Variants in IFT80 observed in about 807,000 individuals in gnomAD.
The protein encoded by IFT80 is intraflagellar transport 80.
Under a neutral mutation model 107.9 loss-of-function variants are expected in IFT80, and 79 were observed. The observed-to-expected ratio is 0.73, with a 90% CI of 0.61 to 0.88. IFT80 has a LOEUF of 0.88. Ranked by LOEUF, IFT80 falls within the 40% of genes least tolerant of loss-of-function variation. IFT80 has a pLI of 0.00. For synonymous variants in IFT80, 299 were observed against 300.9 expected (o/e 0.99, Z 0.07); for missense variants, 797 against 914.2 (o/e 0.87, Z 1.65).
intron 18 of IFT80, among the ~76,000 whole-genome samples, chr3:160,273,051 C>T (rs6793718): frequency 0.016 from 2,368 of 152,200 alleles, 67 homozygotes; most frequent in African/African-American, 0.053. Flanking sequence ...ACCCATCTCA[C>T]GGATACCAAG....
At chr3:160,367,468 A>G (rs1166102824) in intron 5 of IFT80, among the ~76,000 whole-genome samples, 2 of 152,118 alleles carry the variant, frequency 1.3e-5, no homozygotes, top group African/African-American at 2.4e-5. Flanking sequence ...ACTAATGGAC[A>G]GAAATAACTT....
chr3:160,318,332 C>T (rs1442313520), intron 9 of IFT80, among the ~76,000 whole-genome samples: 1 of 151,824 alleles, frequency 6.6e-6, no homozygotes, highest in Admixed American at 6.6e-5. Context: ...GATATGTGGG[C>T]TAACAGAATA....
At position 160,281,185 on chromosome 3, in the gene IFT80, C is replaced by T. The variant is rs373873762; in HGVS notation, c.1517-371G>A. On this transcript the variant is annotated intron_variant, in intron 14 of 19. Coordinates refer to ENST00000326448, the MANE Select transcript of IFT80 (RefSeq NM_020800.3). ...AGAGTCACTCTTCTACAGGGGACCCCTAGTCTGCCCATCAGTGGGACATGA... is the reference window on the plus strand; with the variant it reads ...AGAGTCACTCTTCTACAGGGGACCCTTAGTCTGCCCATCAGTGGGACATGA... Among the ~76,000 whole-genome samples the T allele has an allele frequency of 2.3e-4, 35 of 152,242 alleles. No individual in the cohort carries two copies. The South Asian group carries it at 6.8e-3, about 30-fold the overall frequency.
chr3:160,291,639 A>G (rs139912122), intron 12 of IFT80, among the ~76,000 whole-genome samples: 149 of 152,342 alleles, frequency 9.8e-4, no homozygotes, highest in African/African-American at 3.5e-3. Flanking sequence ...GCTGCACTGC[A>G]TGCTGTTTGC....
At chr3:160,326,002 T>C (rs894490257) in intron 8 of IFT80, among the ~76,000 whole-genome samples, 1 of 152,012 alleles carries the variant, frequency 6.6e-6, no homozygotes, top group Non-Finnish European at 1.5e-5. Flanking sequence ...ATTTACAACT[T>C]AAAAATTATT....
At chr3:160,329,586 T>C (rs1469309699) in intron 8 of IFT80, among the ~76,000 whole-genome samples, 5 of 152,184 alleles carry the variant, frequency 3.3e-5, no homozygotes, top group Non-Finnish European at 2.9e-5. Context: ...GGAACATCCT[T>C]ATCTCTAAAG....
rs988592504 is a variant in IFT80 at position 160,257,186 on chromosome 3, T to C, written c.*1339A>G. ...GATCAAGAACAGAATATTCCAATAT[T>C]CCGGAAAAGAAAAGAAACATGTTAA... On this transcript the variant is annotated 3_prime_UTR_variant, in exon 20 of 20. Transcript: ENST00000326448. 7.9e-5 allele frequency: 12 copies of C among 151,952 alleles called. No homozygotes were observed. Among genetic ancestry groups the C allele is most frequent in the African/African-American group, 2.9e-4 (12 of 41,366 alleles). 9.4% of individuals were successfully genotyped at this position (151,952 alleles called of 1,614,324 possible).
At chr3:160,283,505 A>C (rs1714852771) in intron 13 of IFT80, among the ~76,000 whole-genome samples, 1 of 149,962 alleles carries the variant, frequency 6.7e-6, no homozygotes, top group Non-Finnish European at 1.5e-5. Context: ...AGTTCATAAT[A>C]CATTTTAAAA....
At chr3:160,356,893 A>G (rs1212113601) in intron 7 of IFT80, among the ~76,000 whole-genome samples, 1 of 152,138 alleles carries the variant, frequency 6.6e-6, no homozygotes, top group Non-Finnish European at 1.5e-5. Context: ...ATTTATTTCA[A>G]TTTAATTGCC....
chr3:160,304,194 C>T (rs189488319), intron 10 of IFT80, among the ~76,000 whole-genome samples: 17 of 152,150 alleles, frequency 1.1e-4, no homozygotes, highest in Middle Eastern at 3.4e-3. Context: ...CTCTGTATTC[C>T]CAGCAATTAG....
chr3:160,263,069 T>C (rs773641716), intron 19 of IFT80, among the ~76,000 whole-genome samples: 6 of 152,326 alleles, frequency 3.9e-5, no homozygotes, highest in Non-Finnish European at 7.3e-5. Flanking sequence ...CAAAATGGTA[T>C]ATTTTCATGT....
chr3:160,355,947 C>A (rs1473853356), intron 8 of IFT80, 66 bp downstream of exon 8: 5 of 1,552,244 alleles, frequency 3.2e-6, no homozygotes, highest in African/African-American at 1.4e-5. Flanking sequence ...AGACTGAGAA[C>A]CATGTGTGTT....
intron 8 of IFT80, among the ~76,000 whole-genome samples, chr3:160,349,833 T>C (rs1206552533): frequency 6.6e-6 from 1 of 152,158 alleles, no homozygotes; most frequent in Non-Finnish European, 1.5e-5. Context: ...TAAGAGTAAG[T>C]TGGGTCAACT....
chr3:160,277,171 A>G (rs1455994672), intron 18 of IFT80, 135 bp downstream of exon 18: 9 of 775,782 alleles, frequency 1.2e-5, no homozygotes, highest in Non-Finnish European at 1.6e-5. Flanking sequence ...CTATTCACAA[A>G]TATGAATATG....
At chr3:160,379,503 G>A (rs1454717983) in intron 3 of IFT80, among the ~76,000 whole-genome samples, 1 of 152,090 alleles carries the variant, frequency 6.6e-6, no homozygotes. Flanking sequence ...AGTATTCATG[G>A]TTAAAAGTAC....
chr3:160,300,768 C>G (rs1576774148), intron 12 of IFT80, 115 bp downstream of exon 12: 4 of 793,708 alleles, frequency 5.0e-6, no homozygotes, highest in East Asian at 5.6e-5. Context: ...GCTCATAATT[C>G]TTTTTCTATA....
In IFT80 at chr3:160,268,524, C is replaced by A; in HGVS notation, c.2112G>T (p.Leu704Phe). The A allele has an allele frequency of 6.2e-7, 1 of 1,613,180 alleles. No individual in the cohort carries two copies. The highest frequency in any genetic ancestry group is 8.5e-7 in the Non-Finnish European group (1 of 1,179,416). ...CAACATGTGTTTTGTATTTTACAGC[C>A]AATTCCAGTGCCCTATAATGAGAAA... ...NLYNWERALE[L>F]AVKYKTHVDT... The change falls in exon 19 of 20, where the codon TTG (leucine) becomes TTT (phenylalanine). Residue 704 changes from leucine to phenylalanine, a missense_variant. Leu to Phe is a conservative substitution (Grantham distance 22). Coordinates refer to ENST00000326448, the MANE Select transcript of IFT80 (RefSeq NM_020800.3).
chr3:160,361,976 C>A (rs1250030476), intron 6 of IFT80, among the ~76,000 whole-genome samples: 1 of 152,006 alleles, frequency 6.6e-6, no homozygotes, highest in African/African-American at 2.4e-5. Flanking sequence ...ACTAGAGAAA[C>A]AAGAGAAAAC....
At chr3:160,380,204 T>C (rs1712366539) in intron 3 of IFT80, among the ~76,000 whole-genome samples, 1 of 151,914 alleles carries the variant, frequency 6.6e-6, no homozygotes, top group Admixed American at 6.6e-5. Context: ...AGCTAAAATT[T>C]TTTTGTATTT....
Sources: gnomAD v4.1 joint callset for allele counts (sites outside exome capture counted in the v4.1 genomes callset) on GRCh38, gnomAD v4.1.1 for gene constraint, MANE v1.5 for transcripts, NCBI Gene and HGNC (gene_info 2026-07-23, HGNC 2026-07-21) for gene names.